Variants in PAPPA2 observed in about 807,000 individuals in gnomAD.
PAPPA2 encodes the protein pappalysin-2.
A neutral mutation model predicts 176.4 loss-of-function variants in PAPPA2; 86 were observed. That is an observed-to-expected ratio of 0.49 (90% CI 0.41 to 0.58). The LOEUF (loss-of-function observed/expected upper bound fraction) is 0.58. Among genes scored for constraint, PAPPA2 ranks in the 20% least tolerant of loss-of-function variants. The pLI, the probability that PAPPA2 is intolerant of heterozygous loss-of-function variation, is 0.00. For synonymous variants in PAPPA2, 809 were observed against 852.2 expected (o/e 0.95, Z 0.88); for missense variants, 2,073 against 2,256.9 (o/e 0.92, Z 1.65).
intron 2 of PAPPA2, among the ~76,000 whole-genome samples, chr1:176,586,960 T>G (rs1321303082): frequency 6.6e-6 from 1 of 152,214 alleles, no homozygotes; most frequent in Non-Finnish European, 1.5e-5. Flanking sequence ...ATGTATTGTT[T>G]CCTGATTTTT....
At position 176,690,371 on chromosome 1, in the gene PAPPA2, A is replaced by T; in HGVS notation, c.2372A>T (p.Asp791Val). The change falls in exon 5 of 23, where the codon GAC becomes GTC. Residue 791 changes from aspartate to valine, a missense_variant. By Grantham distance (152) the Asp-to-Val change is radical. Around this residue, in one of 4 missense-constraint regions of PAPPA2, gnomAD observed 1,196 missense variants for 1,330.4 expected, o/e 0.90. Coordinates refer to ENST00000367662, the MANE Select transcript of PAPPA2 (RefSeq NM_020318.3). ...TGCCGGGAACCAGAGCCCACTAGTG[A>T]CACCTGTGGCTTCACTCGCTTCCCA... ...ELCREPEPTS[D>V]TCGFTRFPGA... 6.2e-7 allele frequency: 1 copy of T among 1,614,146 alleles called. No homozygotes were observed.
At chr1:176,490,659 A>G (rs1019085353) in intron 1 of PAPPA2, among the ~76,000 whole-genome samples, 3 of 152,028 alleles carry the variant, frequency 2.0e-5, no homozygotes, top group African/African-American at 7.2e-5. Flanking sequence ...TTGCTCAGGG[A>G]GCATGTTTGT....
chr1:176,584,161 A>G (rs1418337564), intron 2 of PAPPA2, among the ~76,000 whole-genome samples: 3 of 152,138 alleles, frequency 2.0e-5, no homozygotes, highest in Non-Finnish European at 4.4e-5. Flanking sequence ...TGTTCTGTAA[A>G]TTTCTGTTAG....
At chr1:176,482,189 GAA>G (rs1335059764) in intron 1 of PAPPA2, among the ~76,000 whole-genome samples, 1 of 152,194 alleles carries the variant, frequency 6.6e-6, no homozygotes. Flanking sequence ...ACGCAATTCA[GAA>G]AAGTCTCCCA....
intron 1 of PAPPA2, among the ~76,000 whole-genome samples, chr1:176,484,157 T>G (rs1035453502): frequency 3.9e-5 from 6 of 152,220 alleles, no homozygotes; most frequent in African/African-American, 1.4e-4. Context: ...AACACTTTAA[T>G]TTCAATCCGT....
At chr1:176,663,674 G>C (rs1411152707) in intron 3 of PAPPA2, among the ~76,000 whole-genome samples, 1 of 151,948 alleles carries the variant, frequency 6.6e-6, no homozygotes, top group African/African-American at 2.4e-5. Context: ...TTACAGCTGA[G>C]GAAGCTGAGA....
intron 1 of PAPPA2, among the ~76,000 whole-genome samples, chr1:176,529,766 C>T (rs1186538936): frequency 6.6e-6 from 1 of 152,106 alleles, no homozygotes; most frequent in Non-Finnish European, 1.5e-5. Context: ...TGATCCATCA[C>T]CAGCTTTTTT....
At chr1:176,645,947 T>C (rs537008037) in intron 3 of PAPPA2, among the ~76,000 whole-genome samples, 2 of 151,898 alleles carry the variant, frequency 1.3e-5, no homozygotes, top group African/African-American at 4.8e-5. Flanking sequence ...ATTATTGTTA[T>C]TTTACTATTG....
chr1:176,738,633 G>C (rs780805160), intron 12 of PAPPA2, among the ~76,000 whole-genome samples: 9 of 152,106 alleles, frequency 5.9e-5, no homozygotes, highest in Non-Finnish European at 1.2e-4. Flanking sequence ...TTCAGTTCCA[G>C]ATTCTGATCA....
intron 2 of PAPPA2, among the ~76,000 whole-genome samples, chr1:176,573,580 TTC>T (rs745611327): frequency 6.6e-6 from 1 of 152,170 alleles, no homozygotes. Context: ...AAGTTTCTCT[TTC>T]TCTCTCTCTG....
At chr1:176,471,502 A>G (rs1558388893) in intron 1 of PAPPA2, among the ~76,000 whole-genome samples, 1 of 152,144 alleles carries the variant, frequency 6.6e-6, no homozygotes, top group Non-Finnish European at 1.5e-5. Context: ...TTATAAGGCA[A>G]GCACTCGGTT....
At chr1:176,476,371 G>A (rs1652126496) in intron 1 of PAPPA2, among the ~76,000 whole-genome samples, 1 of 152,148 alleles carries the variant, frequency 6.6e-6, no homozygotes, top group Non-Finnish European at 1.5e-5. Context: ...AATATACTTT[G>A]TTCTCTGCCA....
At chr1:176,525,237 T>G (rs1649436752) in intron 1 of PAPPA2, among the ~76,000 whole-genome samples, 1 of 152,222 alleles carries the variant, frequency 6.6e-6, no homozygotes. Flanking sequence ...AATGAATAGA[T>G]GAATCAATCA....
intron 14 of PAPPA2, among the ~76,000 whole-genome samples, chr1:176,756,484 A>G (rs983719696): frequency 6.6e-6 from 1 of 152,214 alleles, no homozygotes. Flanking sequence ...CAAATAAATG[A>G]TTCTGCTTCC....
chr1:176,839,957 A>G (rs968994853), intron 21 of PAPPA2, among the ~76,000 whole-genome samples: 3 of 152,224 alleles, frequency 2.0e-5, no homozygotes, highest in Non-Finnish European at 4.4e-5. Flanking sequence ...GGCCAGGAGC[A>G]GTGCTGCCAG....
intron 17 of PAPPA2, 103 bp downstream of exon 17, chr1:176,771,283 G>C: frequency 8.2e-7 from 1 of 1,218,158 alleles, no homozygotes. Flanking sequence ...ATATTCTCCA[G>C]TCATGACAGG....
intron 3 of PAPPA2, among the ~76,000 whole-genome samples, chr1:176,606,238 TA>T (rs1362473544): frequency 6.6e-6 from 1 of 152,168 alleles, no homozygotes; most frequent in Non-Finnish European, 1.5e-5. Context: ...ATAGCAGACA[TA>T]AGTTAAACTC....
At chr1:176,817,863 G>T (rs1463042399) in intron 21 of PAPPA2, among the ~76,000 whole-genome samples, 9 of 152,170 alleles carry the variant, frequency 5.9e-5, no homozygotes, top group Non-Finnish European at 1.0e-4. Context: ...CTCAGCTGGG[G>T]ACTTATATTG....
At chr1:176,783,334 C>T (rs560343469) in intron 17 of PAPPA2, among the ~76,000 whole-genome samples, 3 of 152,136 alleles carry the variant, frequency 2.0e-5, no homozygotes, top group Non-Finnish European at 4.4e-5. Flanking sequence ...TGGGACTCAA[C>T]AAATCATACT....
Sources: allele counts gnomAD v4.1 joint callset (sites outside exome capture counted in the v4.1 genomes callset), GRCh38; gene constraint gnomAD v4.1.1; regional missense constraint gnomAD v4.1.1; transcripts MANE v1.5; gene names NCBI Gene and HGNC (gene_info 2026-07-23, HGNC 2026-07-21).